MSH3: variants seen among roughly 807,000 people sequenced by gnomAD.
MSH3 encodes DNA mismatch repair protein Msh3.
Under a neutral mutation model 123.3 loss-of-function variants are expected in MSH3, and 106 were observed. That is an observed-to-expected ratio of 0.86 (90% CI 0.73 to 1.01). The LOEUF (loss-of-function observed/expected upper bound fraction) is 1.01, where lower values mean the gene tolerates loss of function less well. Among genes scored for constraint, MSH3 ranks in the 50% least tolerant of loss-of-function variants. The pLI, the probability that MSH3 is intolerant of heterozygous loss-of-function variation, is 0.00. For synonymous variants in MSH3, 515 were observed against 481.4 expected, an observed-to-expected ratio of 1.07 and a Z score of -0.91; for missense variants, 1,459 against 1,347.6, an observed-to-expected ratio of 1.08 and a Z score of -1.29.
rs112537772 is a variant in MSH3 at position 80,849,839 on chromosome 5, G to A, written c.2814-4291G>A. 2.0e-3 allele frequency among the ~76,000 whole-genome samples: 308 copies of A among 152,218 alleles called. 1 individual carries two copies. Among genetic ancestry groups the A allele is most frequent in the African/African-American group, 7.2e-3 (297 of 41,534 alleles). On this transcript the variant is annotated intron_variant, in intron 20 of 23. Transcript: ENST00000265081. ...CTTGGGGATTAACATTCAGCTCCTC[G>A]TTTTTAATGCAAATTTCTGCACCTG...
chr5:80,725,871 T>A (rs570903003), intron 9 of MSH3, among the ~76,000 whole-genome samples: 1 of 152,280 alleles, frequency 6.6e-6, no homozygotes, highest in East Asian at 1.9e-4. Flanking sequence ...AAAGAACCAT[T>A]GCAGCCTCTT....
At chr5:80,706,333 C>T (rs2112841598) in intron 8 of MSH3, among the ~76,000 whole-genome samples, 1 of 152,120 alleles carries the variant, frequency 6.6e-6, no homozygotes, top group Non-Finnish European at 1.5e-5. Context: ...CAGTGGCTGA[C>T]AAAAAGCTTT....
At chr5:80,816,449 G>A (rs1399760864) in intron 20 of MSH3, among the ~76,000 whole-genome samples, 1 of 152,196 alleles carries the variant, frequency 6.6e-6, no homozygotes, top group African/African-American at 2.4e-5. Context: ...AATGAGTGAA[G>A]GGTGGTCCTC....
At chr5:80,724,494 G>A (rs1462493906) in intron 8 of MSH3, among the ~76,000 whole-genome samples, 1 of 152,242 alleles carries the variant, frequency 6.6e-6, no homozygotes, top group East Asian at 1.9e-4. Context: ...ATGGGAGTGA[G>A]ATGATAAAGA....
At chr5:80,656,351 C>CAT in intron 1 of MSH3, 60 bp from the exon 2 acceptor site, 1 of 1,607,122 alleles carries the variant, frequency 6.2e-7, no homozygotes, top group Non-Finnish European at 8.5e-7. Context: ...AATTGCTTCA[C>CAT]ATACGTCAGG....
chr5:80,867,059 G>A (rs1240037027), intron 22 of MSH3, among the ~76,000 whole-genome samples: 2 of 152,116 alleles, frequency 1.3e-5, no homozygotes, highest in Admixed American at 6.5e-5. Context: ...CTGGGCCTGC[G>A]GCACAGCTGT....
chr5:80,802,894 T>G (rs979422891), intron 19 of MSH3, among the ~76,000 whole-genome samples: 1 of 152,210 alleles, frequency 6.6e-6, no homozygotes, highest in African/African-American at 2.4e-5. Flanking sequence ...TTGTTGCAAA[T>G]GACAGGATCT....
chr5:80,686,555 G>A (rs1317783138), intron 8 of MSH3, among the ~76,000 whole-genome samples: 7 of 152,032 alleles, frequency 4.6e-5, no homozygotes, highest in South Asian at 4.2e-4. Flanking sequence ...CAAGTGATCC[G>A]CCTGCCTCAG....
chr5:80,672,685 G>A (rs1420033870), intron 5 of MSH3, 56 bp from the exon 6 acceptor site: 4 of 1,382,752 alleles, frequency 2.9e-6, no homozygotes, highest in Non-Finnish European at 2.1e-6. Context: ...TTCGAAATGA[G>A]TTTTTACAAG....
chr5:80,837,628 A>G (rs1031606175), intron 20 of MSH3, among the ~76,000 whole-genome samples: 2 of 152,190 alleles, frequency 1.3e-5, no homozygotes, highest in African/African-American at 4.8e-5. Flanking sequence ...TTAAAGGGGC[A>G]AGGAAAATGA....
chr5:80,678,607 G>A lies in MSH3; in HGVS notation c.1174-320G>A, dbSNP rs543191692. 6.6e-5 allele frequency among the ~76,000 whole-genome samples: 10 copies of A among 152,248 alleles called. No individual in the cohort carries two copies. In the South Asian group the frequency reaches 2.1e-3, roughly 32 times the overall value. ...CCTTATGAGAGAAGTAGGCTGGTTT[G>A]GTTCCATTTACAGAGGAAGAAACTG... is the stretch of plus-strand genomic sequence containing the variant. On this transcript the variant is annotated intron_variant, in intron 7 of 23. Transcript: ENST00000265081.
At chr5:80,666,806 G>T (rs1325621375) in intron 3 of MSH3, among the ~76,000 whole-genome samples, 3 of 152,168 alleles carry the variant, frequency 2.0e-5, no homozygotes, top group African/African-American at 7.2e-5. Context: ...ATGCCCCATG[G>T]TCCAGGACCA....
At chr5:80,854,382 T>C in intron 21 of MSH3, 66 bp downstream of exon 21, 1 of 1,433,744 alleles carries the variant, frequency 7.0e-7, no homozygotes, top group Non-Finnish European at 9.7e-7. Flanking sequence ...TAAATGACAG[T>C]CATAATTGTG....
At chr5:80,692,723 GATAA>G (rs1750336058) in intron 8 of MSH3, among the ~76,000 whole-genome samples, 1 of 134,570 alleles carries the variant, frequency 7.4e-6, no homozygotes. Flanking sequence ...TGTTTATATA[GATAA>G]ATATACATAC....
Position 80,767,432 on chromosome 5 carries a change from A to G in MSH3, c.1897-501A>G, listed in dbSNP as rs76236204. On this transcript the variant is annotated intron_variant, in intron 13 of 23. Transcript: ENST00000265081. ...TCCGATAAGTGAAAAATGCTATCCT[A>G]TATTTCTAATTTGCTTGTCTTTAAT... 9.5e-3 allele frequency among the ~76,000 whole-genome samples: 1,439 copies of G among 152,222 alleles called. 25 individuals are homozygous for G. Among genetic ancestry groups the G allele is most frequent in the African/African-American group, 0.033 (1,384 of 41,550 alleles).
chr5:80,657,427 C>T (rs1238046628), intron 2 of MSH3, among the ~76,000 whole-genome samples: 1 of 152,086 alleles, frequency 6.6e-6, no homozygotes, highest in South Asian at 2.1e-4. Flanking sequence ...GGCAACAAAG[C>T]GAGACTCTGT....
chr5:80,717,998 A>T (rs1290083929), intron 8 of MSH3, among the ~76,000 whole-genome samples: 2 of 152,220 alleles, frequency 1.3e-5, no homozygotes, highest in Non-Finnish European at 2.9e-5. Flanking sequence ...TAAAATTGGA[A>T]TCATTTGTGT....
chr5:80,850,731 A>G (rs901151390), intron 20 of MSH3, among the ~76,000 whole-genome samples: 4 of 152,222 alleles, frequency 2.6e-5, no homozygotes, highest in African/African-American at 9.6e-5. Context: ...GTGGCTGGGG[A>G]CACAGAGCCA....
chr5:80,723,982 C>T (rs1386406688), intron 8 of MSH3, among the ~76,000 whole-genome samples: 1 of 152,134 alleles, frequency 6.6e-6, no homozygotes, highest in African/African-American at 2.4e-5. Context: ...TCTTAAACTC[C>T]TGAGCTCAGG....
Sources: allele counts gnomAD v4.1 joint callset (sites outside exome capture counted in the v4.1 genomes callset), GRCh38; gene constraint gnomAD v4.1.1; transcripts MANE v1.5; gene names NCBI Gene and HGNC (gene_info 2026-07-23, HGNC 2026-07-21).